The following TRIM29 variants were observed in gnomAD, a reference collection of about 807,000 sequenced individuals.
TRIM29 encodes the protein tripartite motif-containing protein 29.
TRIM29 carries 52 observed loss-of-function variants against 57.3 expected under a neutral mutation model. That is an observed-to-expected ratio of 0.91 (90% CI 0.73 to 1.14). The LOEUF (loss-of-function observed/expected upper bound fraction) is 1.14. Ranked by LOEUF, TRIM29 falls within the 50% of genes most tolerant of loss-of-function variation. TRIM29 has a pLI of 0.00. For synonymous variants in TRIM29, 319 were observed against 316.9 expected, an observed-to-expected ratio of 1.01 and a Z score of -0.07; for missense variants, 753 against 774.6, an observed-to-expected ratio of 0.97 and a Z score of 0.33.
intron 1 of TRIM29, among the ~76,000 whole-genome samples, chr11:120,133,706 A>G (rs1863761956): frequency 6.6e-6 from 1 of 152,262 alleles, no homozygotes; most frequent in Admixed American, 6.5e-5. Context: ...TCAGAAAAGC[A>G]AGGACCAGCG....
At chr11:120,133,299 C>T (rs987813434) in intron 1 of TRIM29, among the ~76,000 whole-genome samples, 5 of 152,176 alleles carry the variant, frequency 3.3e-5, no homozygotes, top group East Asian at 3.9e-4. Context: ...CTTAAAATAG[C>T]GGAGAGGAAT....
intron 1 of TRIM29, chr11:120,128,772 T>C: frequency 6.5e-7 from 1 of 1,534,308 alleles, no homozygotes; most frequent in Non-Finnish European, 8.7e-7. Context: ...GCTAAACCTC[T>C]GCCTATCTCC....
Position 120,125,433 on chromosome 11 carries a change from G to A in TRIM29, c.1333+258C>T, listed in dbSNP as rs1160184967. The stretch of plus-strand genomic sequence containing the variant: ...TTGATGGACAACCCACAGAGAGGAG[G>A]CATTTGTGGAGCCAGTGCCCAGGAT... On this transcript the variant is annotated intron_variant, in intron 4 of 8. Transcript: ENST00000341846. 5 of 510,966 alleles carry A rather than the reference G, an allele frequency of 9.8e-6. No individual in the cohort carries two copies. In the East Asian group the frequency reaches 1.6e-4, roughly 16 times the overall value. The allele number at this position is 510,966 out of a possible 1,614,324, so 31.7% of individuals were successfully genotyped here. A position where few individuals can be genotyped will look rare whatever the true frequency, so the allele number is the denominator to read the frequency against.
Position 120,128,913 on chromosome 11 carries a change from C to G in TRIM29, c.805-418G>C, listed in dbSNP as rs1591328833. 4 of 1,414,120 alleles carry G rather than the reference C, an allele frequency of 2.8e-6. No individual in the cohort carries two copies. In the African/African-American group the frequency reaches 4.3e-5, roughly 15 times the overall value. 87.6% of individuals were successfully genotyped at this position (1,414,120 alleles called of 1,614,324 possible). Reference sequence around the variant, plus strand: ...GCCCAGCCCAGCCCAGGGAGTGTCTCGTGGCAGTAACAGTGTGCAGCGTTT... The same window carrying G: ...GCCCAGCCCAGCCCAGGGAGTGTCTGGTGGCAGTAACAGTGTGCAGCGTTT... On this transcript the variant is annotated intron_variant, in intron 1 of 8. Coordinates refer to ENST00000341846, the MANE Select transcript of TRIM29 (RefSeq NM_012101.4).
chr11:120,112,628 A>G (rs577993229), intron 8 of TRIM29, 152 bp from the exon 9 acceptor site: 1 of 719,812 alleles, frequency 1.4e-6, no homozygotes, highest in African/African-American at 1.8e-5. Flanking sequence ...AGATTTACCT[A>G]CCCTGTGATC....
Position 120,127,375 on chromosome 11 carries a change from C to G in TRIM29, c.1095G>C (p.Glu365Asp), listed in dbSNP as rs1357069520. ...CAGAGTCGCTGATGCTATGCAGCTG[C>G]TCCCGGGTCTGCTTGTCCTCATGCA... ...KVLHEDKQTR[E>D]QLHSISDSVL... is the part of the protein sequence containing the mutation. The change falls in exon 3 of 9, where the codon GAG becomes GAC. Residue 365 changes from glutamate (E) to aspartate (D), a missense_variant. By Grantham distance (45) the Glu-to-Asp change is conservative. Transcript: ENST00000341846. 3.1e-6 allele frequency: 5 copies of G among 1,614,128 alleles called. No individual in the cohort carries two copies. The highest frequency in any genetic ancestry group is 4.2e-6 in the Non-Finnish European group (5 of 1,180,032).
chr11:120,113,503 T>C (rs1354965179), intron 8 of TRIM29: 2 of 404,982 alleles, frequency 4.9e-6, no homozygotes, highest in Non-Finnish European at 1.0e-5. Context: ...CAGATCCCAA[T>C]ACAGGAGACA....
intron 5 of TRIM29, 99 bp from the exon 6 acceptor site, chr11:120,120,764 T>C (rs1367461916): frequency 1.1e-6 from 1 of 947,028 alleles, no homozygotes; most frequent in Non-Finnish European, 1.7e-6. Flanking sequence ...AGGACCTGGA[T>C]TCCACCACTG....
chr11:120,119,789 C>T (rs1239633458), intron 6 of TRIM29, among the ~76,000 whole-genome samples: 2 of 152,130 alleles, frequency 1.3e-5, no homozygotes, highest in Non-Finnish European at 2.9e-5. Context: ...GGGGGCTGAC[C>T]CAGTCCCCTC....
Position 120,115,580 on chromosome 11 carries a change from C to T in TRIM29, c.1628-166G>A, listed in dbSNP as rs933991036. 9.5e-5 allele frequency: 59 copies of T among 623,372 alleles called. 1 individual carries two copies. Among genetic ancestry groups the T allele is most frequent in the Middle Eastern group, 2.6e-4 (1 of 3,884 alleles). 38.6% of individuals were successfully genotyped at this position (623,372 alleles called of 1,614,324 possible). A position where few individuals can be genotyped will look rare whatever the true frequency, so the allele number is the denominator to read the frequency against. On this transcript the variant is annotated intron_variant, in intron 7 of 8. Coordinates refer to ENST00000341846, the MANE Select transcript of TRIM29 (RefSeq NM_012101.4). ...CGTGCAGCAGCCAGGGTGCCGCAAC[C>T]GAAAATCCTGGGGAGGCTGGCCAAA...
At chr11:120,114,118 G>A (rs11217696) in intron 8 of TRIM29, among the ~76,000 whole-genome samples, 2 of 152,164 alleles carry the variant, frequency 1.3e-5, no homozygotes, top group East Asian at 3.9e-4. Flanking sequence ...CTTCTCTGCA[G>A]CCCAGCGCCT....
rs1435808585 is a variant in TRIM29, at chr11:120,122,957, T to C, written c.1432A>G (p.Lys478Glu). The C allele has an allele frequency of 1.2e-6, 2 of 1,613,728 alleles. No homozygotes were observed. Among genetic ancestry groups the C allele is most frequent in the Non-Finnish European group, 8.5e-7 (1 of 1,179,706 alleles). The change falls in exon 5 of 9, where the codon AAA (lysine) becomes GAA (glutamate). Residue 478 changes from lysine (K) to glutamate (E), a missense_variant. By Grantham distance (56) the Lys-to-Glu change is moderately conservative. Coordinates refer to ENST00000341846, the MANE Select transcript of TRIM29 (RefSeq NM_012101.4). ...GGGGTGAGGGGCTCCCTCTTACCTTTGGGTGTCAGGTACATGGAGTATCTC... is the reference window on the plus strand; with the variant it reads ...GGGGTGAGGGGCTCCCTCTTACCTTCGGGTGTCAGGTACATGGAGTATCTC... ...MKRYSMYLTP[K>E]GGVRTSYQPS...
chr11:120,132,257 C>T (rs1186483796), intron 1 of TRIM29, among the ~76,000 whole-genome samples: 1 of 147,646 alleles, frequency 6.8e-6, no homozygotes, highest in Admixed American at 6.7e-5. Flanking sequence ...TCCTCTGAGG[C>T]CCCAGCTTTC....
In TRIM29 at chr11:120,137,724, C is replaced by CATAGAG. The variant is rs1214397812; in HGVS notation, c.307_308insCTCTAT (p.Arg103delinsThrLeuTrp). On this transcript the variant is annotated protein_altering_variant, in exon 1 of 9. Coordinates refer to ENST00000341846, the MANE Select transcript of TRIM29 (RefSeq NM_012101.4). The surrounding 1 kb of genome is among the most constrained non-coding windows in gnomAD (Gnocchi z 6.2). The stretch of plus-strand genomic sequence containing the variant: ...CAGCTGGAGCCCTGCGTACGGCGAC[C>CATAGAG]TCTTGCCTTCCATAGAGTCCATGCT... The CATAGAG allele has an allele frequency of 1.2e-6, 2 of 1,612,568 alleles. No homozygotes were observed. The highest frequency in any genetic ancestry group is 1.7e-5 in the Admixed American group (1 of 59,994).
intron 5 of TRIM29, among the ~76,000 whole-genome samples, chr11:120,122,163 T>TGTGTGAGA (rs780959243): frequency 2.7e-5 from 4 of 148,860 alleles, no homozygotes; most frequent in Non-Finnish European, 4.4e-5. Context: ...TGTGTGTGTG[T>TGTGTGAGA]GAAAGACGTG....
At chr11:120,120,552 T>C (rs768633928) in intron 6 of TRIM29, 21 bp downstream of exon 6, 7 of 1,608,280 alleles carry the variant, frequency 4.4e-6, no homozygotes, top group Admixed American at 1.7e-5. Context: ...CTGTGCACCC[T>C]TGAGCTGAGC....
At chr11:120,125,402 CTG>C in intron 4 of TRIM29, 6 of 453,710 alleles carry the variant, frequency 1.3e-5, no homozygotes, top group East Asian at 3.8e-5. Flanking sequence ...AAACCAGTCT[CTG>C]AGTTTGATGG....
At position 120,128,341 on chromosome 11, in the gene TRIM29, C is replaced by T. The variant is rs547638938; in HGVS notation, c.900+59G>A. On this transcript the variant is annotated intron_variant, in intron 2 of 8. Coordinates refer to ENST00000341846, the MANE Select transcript of TRIM29 (RefSeq NM_012101.4). ...CTCAAATGGGAGCCAAGGCCTGCGT[C>T]TTTCCAGGCAGGCCAGGTCGGGTAA... 1.7e-5 allele frequency: 25 copies of T among 1,513,628 alleles called. 1 individual carries two copies. In the Admixed American group the frequency reaches 3.9e-4, roughly 24 times the overall value. The allele number at this position is 1,513,628 out of a possible 1,614,324, so 93.8% of individuals were successfully genotyped here.
intron 1 of TRIM29, among the ~76,000 whole-genome samples, chr11:120,129,663 G>C (rs1863678097): frequency 6.6e-6 from 1 of 151,734 alleles, no homozygotes; most frequent in African/African-American, 2.4e-5. Context: ...GGCCAAGGAA[G>C]TGCTAACAGG....
Sources: allele counts gnomAD v4.1 joint callset (sites outside exome capture counted in the v4.1 genomes callset), GRCh38; gene constraint gnomAD v4.1.1; non-coding constraint Gnocchi (gnomAD v3.1); transcripts MANE v1.5; gene names NCBI Gene and HGNC (gene_info 2026-07-23, HGNC 2026-07-21).